Variants in CACHD1 observed in about 807,000 individuals in gnomAD.
CACHD1 encodes the protein cache domain containing 1.
Under a neutral mutation model 138.7 loss-of-function variants are expected in CACHD1, and 71 were observed. That is an observed-to-expected ratio of 0.51 (90% CI 0.42 to 0.62). The LOEUF is 0.62. CACHD1 is among the 20% of genes least tolerant of loss of function. The pLI is 0.00. For synonymous variants in CACHD1, 578 were observed against 591.5 expected, an observed-to-expected ratio of 0.98 and a Z score of 0.33; for missense variants, 1,389 against 1,625.3, an observed-to-expected ratio of 0.85 and a Z score of 2.50.
At chr1:64,565,323 A>G (rs888712396) in intron 2 of CACHD1, among the ~76,000 whole-genome samples, 1 of 152,008 alleles carries the variant, frequency 6.6e-6, no homozygotes, top group Admixed American at 6.6e-5. Flanking sequence ...TGTTCATTGA[A>G]TGAATGAATG....
rs759536570 is a variant in CACHD1, at chr1:64,681,281, C to T, written c.3430C>T (p.Leu1144=). The change falls in exon 25 of 27, where the codon CTG becomes TTG. Residue 1144 remains leucine (L), a synonymous_variant. Transcript: ENST00000651257. ...AGAAATGTCAGTGCGTATGTCCAAC[C>T]TGGAGAATGACAGAGATGAAAGGGA... is the stretch of plus-strand genomic sequence containing the variant. ...AQEMSVRMSN[L]ENDRDERDDD... 2 of 1,613,718 alleles carry T rather than the reference C, an allele frequency of 1.2e-6. No homozygotes were observed. Among genetic ancestry groups the T allele is most frequent in the African/African-American group, 2.7e-5 (2 of 74,904 alleles).
chr1:64,554,531 ATT>A (rs1455726737), intron 2 of CACHD1, among the ~76,000 whole-genome samples: 1 of 152,162 alleles, frequency 6.6e-6, no homozygotes, highest in African/African-American at 2.4e-5. Context: ...ATATTGTCTG[ATT>A]TTTAATCCTT....
Position 64,590,191 on chromosome 1 carries a change from A to G in CACHD1, c.410+7887A>G, listed in dbSNP as rs993610119. 4.0e-5 allele frequency among the ~76,000 whole-genome samples: 6 copies of G among 151,884 alleles called. No individual in the cohort carries two copies. In the East Asian group the frequency reaches 5.8e-4, roughly 15 times the overall value. On this transcript the variant is annotated intron_variant, in intron 3 of 26. Coordinates refer to ENST00000651257, the MANE Select transcript of CACHD1 (RefSeq NM_020925.4). The stretch of plus-strand genomic sequence containing the variant: ...CAAAAAATTAGCCGGGCGTGGTGGC[A>G]GGCGCCTGTAGTCCCAGCTACTCGG...
At chr1:64,623,707 A>G (rs965017792) in intron 4 of CACHD1, among the ~76,000 whole-genome samples, 1 of 152,200 alleles carries the variant, frequency 6.6e-6, no homozygotes, top group Non-Finnish European at 1.5e-5. Context: ...AAGAGGGTGC[A>G]GTAACTTCTA....
intron 10 of CACHD1, among the ~76,000 whole-genome samples, chr1:64,653,384 G>C (rs898338428): frequency 3.9e-5 from 3 of 77,778 alleles, no homozygotes; most frequent in South Asian, 4.5e-4. Flanking sequence ...GTTAAAAGAA[G>C]TTAAAAAAAA....
chr1:64,546,251 G>A (rs1434753282), intron 1 of CACHD1, among the ~76,000 whole-genome samples: 4 of 152,054 alleles, frequency 2.6e-5, no homozygotes, highest in African/African-American at 4.8e-5. Flanking sequence ...CCCTAACCCT[G>A]TTACTGTGAG....
At position 64,647,782 on chromosome 1, in the gene CACHD1, T is replaced by C; in HGVS notation, c.1157-19T>C. Reference sequence around the variant, plus strand: ...AACCATTTTGCTTTCCGTGGTCTTCTCTCGGCTTTCCATTTTAGATGGGGT... The same window carrying C: ...AACCATTTTGCTTTCCGTGGTCTTCCCTCGGCTTTCCATTTTAGATGGGGT... On this transcript the variant is annotated intron_variant, in intron 8 of 26. Coordinates refer to ENST00000651257, the MANE Select transcript of CACHD1 (RefSeq NM_020925.4). The C allele has an allele frequency of 6.2e-7, 1 of 1,611,416 alleles. No individual in the cohort carries two copies. The highest frequency in any genetic ancestry group is 8.5e-7 in the Non-Finnish European group (1 of 1,177,644).
intron 4 of CACHD1, among the ~76,000 whole-genome samples, chr1:64,625,773 A>T (rs1193611633): frequency 1.3e-5 from 2 of 152,244 alleles, no homozygotes; most frequent in Non-Finnish European, 2.9e-5. Flanking sequence ...CTATAAAAAT[A>T]AAAAAAAATT....
In CACHD1 at chr1:64,678,262, G is replaced by C. The variant is rs1260055474; in HGVS notation, c.3196G>C (p.Gly1066Arg). 4 of 1,602,946 alleles carry C rather than the reference G, an allele frequency of 2.5e-6. No individual in the cohort carries two copies. Among genetic ancestry groups the C allele is most frequent in the Non-Finnish European group, 3.4e-6 (4 of 1,176,300 alleles). ...TGCCCCCCAGAAAGAATGCTTCGGG[G>C]GGATTGTGGGAGCCAAAAGTCCCTA... is the stretch of plus-strand genomic sequence containing the variant. ...YCAPQKECFG[G>R]IVGAKSPYVD... The change falls in exon 23 of 27, where the codon GGG becomes CGG. Residue 1066 changes from glycine to arginine, a missense_variant. By Grantham distance (125) the Gly-to-Arg change is moderately radical. Coordinates refer to ENST00000651257, the MANE Select transcript of CACHD1 (RefSeq NM_020925.4).
intron 1 of CACHD1, among the ~76,000 whole-genome samples, chr1:64,542,253 G>A (rs1646682762): frequency 6.6e-6 from 1 of 152,098 alleles, no homozygotes; most frequent in Admixed American, 6.5e-5. Context: ...GTTGACCTGG[G>A]TCATGTGTAC....
intron 1 of CACHD1, among the ~76,000 whole-genome samples, chr1:64,532,445 GCATA>G (rs2100405936): frequency 6.6e-6 from 1 of 152,280 alleles, no homozygotes; most frequent in South Asian, 2.1e-4. Flanking sequence ...TTGCTATTTT[GCATA>G]AAATGGCATT....
At chr1:64,549,507 C>G (rs572263637) in intron 1 of CACHD1, among the ~76,000 whole-genome samples, 1 of 152,150 alleles carries the variant, frequency 6.6e-6, no homozygotes, top group Non-Finnish European at 1.5e-5. Flanking sequence ...ACTCCACCCC[C>G]CGACCAAACC....
intron 8 of CACHD1, among the ~76,000 whole-genome samples, chr1:64,644,787 T>C (rs1648849181): frequency 6.6e-6 from 1 of 152,184 alleles, no homozygotes; most frequent in African/African-American, 2.4e-5. Context: ...AATAAAGAAT[T>C]TGTTGTCGGC....
At chr1:64,525,666 A>G (rs527963997) in intron 1 of CACHD1, among the ~76,000 whole-genome samples, 1 of 152,334 alleles carries the variant, frequency 6.6e-6, no homozygotes, top group East Asian at 1.9e-4. Flanking sequence ...ATCTCCACCT[A>G]ATTGATTCCA....
Position 64,677,019 on chromosome 1 carries a change from G to C in CACHD1, c.3092+8G>C. 1 of 1,595,180 alleles carries C rather than the reference G, an allele frequency of 6.3e-7. No homozygotes were observed. On this transcript the variant is annotated splice_region_variant and intron_variant, in intron 22 of 26. Transcript: ENST00000651257. ...TCAGAGGCTGGAAAGTGGGTAAGCA[G>C]AATCTAGTAAAGAATTGAGGTTTTC...
intron 2 of CACHD1, among the ~76,000 whole-genome samples, chr1:64,569,698 C>G (rs1463162777): frequency 6.6e-6 from 1 of 152,056 alleles, no homozygotes; most frequent in Non-Finnish European, 1.5e-5. Context: ...TAAAAGTCAG[C>G]TTTTCACATA....
chr1:64,668,224 G>T (rs1200347550), intron 16 of CACHD1, among the ~76,000 whole-genome samples: 2 of 152,072 alleles, frequency 1.3e-5, no homozygotes, highest in Non-Finnish European at 2.9e-5. Context: ...CTACTCAGGA[G>T]GCTGAGGCAA....
chr1:64,653,430 CT>C lies in CACHD1; in HGVS notation c.1541-320del, dbSNP rs928222826. Among the ~76,000 whole-genome samples the C allele has an allele frequency of 2.1e-3, 305 of 142,240 alleles. 1 individual carries two copies. The highest frequency in any genetic ancestry group is 7.3e-3 in the African/African-American group (284 of 39,126). The allele number at this position is 142,240 out of a possible 152,430, so 93.3% of individuals were successfully genotyped here. The stretch of plus-strand genomic sequence containing the variant: ...AAAAGAAGAATGTCATCCTTTGGAT[CT>C]TTTTTTTATTAAATTGTTATCTTAG... On this transcript the variant is annotated intron_variant, in intron 10 of 26. Coordinates refer to ENST00000651257, the MANE Select transcript of CACHD1 (RefSeq NM_020925.4).
intron 13 of CACHD1, 88 bp from the exon 14 acceptor site, chr1:64,663,607 C>T: frequency 7.0e-7 from 1 of 1,431,492 alleles, no homozygotes; most frequent in Non-Finnish European, 9.6e-7. Context: ...CCATAGCTGA[C>T]AGATTGGCAG....
Sources: gnomAD v4.1 joint callset for allele counts (sites outside exome capture counted in the v4.1 genomes callset) on GRCh38, gnomAD v4.1.1 for gene constraint, MANE v1.5 for transcripts, NCBI Gene and HGNC (gene_info 2026-07-23, HGNC 2026-07-21) for gene names.